The following CDK14 variants were observed in gnomAD, a reference collection of about 807,000 sequenced individuals.
CDK14 encodes cyclin dependent kinase 14, also known as cyclin-dependent kinase 14.
A neutral mutation model predicts 60.7 loss-of-function variants in CDK14; 34 were observed. That is an observed-to-expected ratio of 0.56 (90% CI 0.43 to 0.75). The LOEUF is 0.75. CDK14 is among the 30% of genes least tolerant of loss of function. The pLI is 0.00. For synonymous variants in CDK14, 197 were observed against 203.7 expected, an observed-to-expected ratio of 0.97 and a Z score of 0.28; for missense variants, 482 against 564.1, an observed-to-expected ratio of 0.85 and a Z score of 1.47.
At chr7:90,821,043 C>T (rs150197658) in intron 5 of CDK14, among the ~76,000 whole-genome samples, 2 of 152,144 alleles carry the variant, frequency 1.3e-5, no homozygotes, top group East Asian at 3.9e-4. Context: ...TTGCTATTAT[C>T]CTATTCAGTT....
At chr7:90,747,481 G>A (rs368135698) in intron 3 of CDK14, among the ~76,000 whole-genome samples, 200 bp from the exon 4 acceptor site, 3 of 152,158 alleles carry the variant, frequency 2.0e-5, no homozygotes, top group East Asian at 1.9e-4. Context: ...GAATAATTTC[G>A]TTCTACATTG....
At chr7:90,752,881 G>C (rs1803905609) in intron 4 of CDK14, among the ~76,000 whole-genome samples, 1 of 152,020 alleles carries the variant, frequency 6.6e-6, no homozygotes, top group Admixed American at 6.6e-5. Context: ...TGTATACAAA[G>C]TAGAAAATCT....
intron 2 of CDK14, among the ~76,000 whole-genome samples, chr7:90,676,922 C>T (rs894983578): frequency 4.7e-5 from 7 of 150,038 alleles, no homozygotes; most frequent in South Asian, 2.1e-4. Context: ...GTACTTTCTA[C>T]ATGTTTATTC....
chr7:90,871,236 A>C (rs959019544), intron 6 of CDK14, among the ~76,000 whole-genome samples: 1 of 152,330 alleles, frequency 6.6e-6, no homozygotes, highest in South Asian at 2.1e-4. Flanking sequence ...TGATGAGCCT[A>C]ACCTACAAGG....
chr7:90,913,564 GAAAGGGAA>G (rs1469754350), intron 7 of CDK14, among the ~76,000 whole-genome samples: 1 of 152,220 alleles, frequency 6.6e-6, no homozygotes, highest in Non-Finnish European at 1.5e-5. Context: ...CTTATTAGGA[GAAAGGGAA>G]ATGGGGATGT....
intron 14 of CDK14, among the ~76,000 whole-genome samples, chr7:91,204,707 G>C (rs1802831059): frequency 6.6e-6 from 1 of 152,212 alleles, no homozygotes; most frequent in Admixed American, 6.5e-5. Flanking sequence ...CCAGCACTTT[G>C]GGAGGCCAAG....
In CDK14 at chr7:90,817,510, T is replaced by C. The variant is rs138303616; in HGVS notation, c.544+26858T>C. 3.5e-3 allele frequency among the ~76,000 whole-genome samples: 531 copies of C among 152,324 alleles called. 4 individuals carry two copies. The highest frequency in any genetic ancestry group is 0.012 in the African/African-American group (505 of 41,578). ...CAGCAGGGGTCAGTTTTAATGATGC[T>C]AACTTGGTGTAACAAAATTATTTAG... On this transcript the variant is annotated intron_variant, in intron 5 of 14. Coordinates refer to ENST00000380050, the MANE Select transcript of CDK14 (RefSeq NM_001287135.2).
chr7:90,982,361 T>C (rs916716803), intron 9 of CDK14, among the ~76,000 whole-genome samples: 35 of 152,242 alleles, frequency 2.3e-4, no homozygotes, highest in African/African-American at 6.7e-4. Context: ...AGCCAAATGG[T>C]ACAGTTTTAT....
chr7:90,849,246 C>T (rs1450598047), intron 5 of CDK14, among the ~76,000 whole-genome samples: 1 of 150,390 alleles, frequency 6.6e-6, no homozygotes, highest in Admixed American at 6.6e-5. Context: ...CCCTTGCTTC[C>T]TCTCTCATCA....
chr7:90,833,583 T>C (rs988411014), intron 5 of CDK14, among the ~76,000 whole-genome samples: 3 of 152,188 alleles, frequency 2.0e-5, no homozygotes, highest in Non-Finnish European at 1.5e-5. Context: ...TCTGTTTGTG[T>C]GTTTGATTGG....
At chr7:91,065,306 C>A (rs1393996386) in intron 11 of CDK14, among the ~76,000 whole-genome samples, 1 of 152,168 alleles carries the variant, frequency 6.6e-6, no homozygotes, top group East Asian at 1.9e-4. Context: ...AAACCTCTCA[C>A]TGATAATGCT....
intron 11 of CDK14, among the ~76,000 whole-genome samples, chr7:91,059,510 T>C (rs1378348858): frequency 6.6e-6 from 1 of 152,146 alleles, no homozygotes; most frequent in Non-Finnish European, 1.5e-5. Flanking sequence ...GTGTCAATTT[T>C]AGATCTTTCC....
At chr7:91,058,331 A>G (rs1297428478) in intron 11 of CDK14, among the ~76,000 whole-genome samples, 1 of 152,188 alleles carries the variant, frequency 6.6e-6, no homozygotes, top group East Asian at 1.9e-4. Flanking sequence ...TTTTCTAGAT[A>G]TACAATCATG....
In CDK14 at chr7:90,859,291, T is replaced by C. The variant is rs1324263407; in HGVS notation, c.545-3884T>C. Among the ~76,000 whole-genome samples the C allele has an allele frequency of 3.3e-5, 5 of 152,326 alleles. No homozygotes were observed. The East Asian group carries it at 7.7e-4, about 23-fold the overall frequency. ...GGATTAAGGATTTAATATATTGTTA[T>C]GAAACAGGTTTGCTTGGGGAAGACA... On this transcript the variant is annotated intron_variant, in intron 5 of 14. Transcript: ENST00000380050.
At chr7:91,155,179 A>C (rs1019123205) in intron 14 of CDK14, among the ~76,000 whole-genome samples, 5 of 152,222 alleles carry the variant, frequency 3.3e-5, no homozygotes, top group African/African-American at 1.2e-4. Context: ...GAGAAGGAAC[A>C]GCAGGAAGGA....
chr7:90,971,862 C>T (rs1794943753), intron 9 of CDK14, among the ~76,000 whole-genome samples: 1 of 152,136 alleles, frequency 6.6e-6, no homozygotes, highest in Admixed American at 6.5e-5. Context: ...TTGGGCTTCT[C>T]AGTCTTCCGT....
chr7:90,660,663 A>G (rs909356156), intron 2 of CDK14, among the ~76,000 whole-genome samples: 7 of 152,236 alleles, frequency 4.6e-5, no homozygotes, highest in African/African-American at 1.4e-4. Flanking sequence ...ACAAATAGGT[A>G]CATATTTTCT....
chr7:90,609,004 C>A (rs1327534604), intron 2 of CDK14, among the ~76,000 whole-genome samples: 3 of 151,952 alleles, frequency 2.0e-5, no homozygotes, highest in African/African-American at 4.8e-5. Context: ...AGATATAATA[C>A]CAGAGATAAT....
At chr7:91,072,249 A>G (rs1350664311) in intron 11 of CDK14, among the ~76,000 whole-genome samples, 1 of 152,070 alleles carries the variant, frequency 6.6e-6, no homozygotes, top group African/African-American at 2.4e-5. Context: ...GACACCCTAT[A>G]TAGGAATGTT....
Sources: gnomAD v4.1 joint callset for allele counts (sites outside exome capture counted in the v4.1 genomes callset) on GRCh38, gnomAD v4.1.1 for gene constraint, MANE v1.5 for transcripts, NCBI Gene and HGNC (gene_info 2026-07-23, HGNC 2026-07-21) for gene names.